The following ALG10 variants were observed in gnomAD, a reference collection of about 807,000 sequenced individuals.
ALG10 encodes the protein ALG10 alpha-1,2-glucosyltransferase.
Under a neutral mutation model 39.2 loss-of-function variants are expected in ALG10, and 25 were observed. That is an observed-to-expected ratio of 0.64 (90% CI 0.46 to 0.89). ALG10 has a LOEUF of 0.89. Ranked by LOEUF, ALG10 falls within the 40% of genes least tolerant of loss-of-function variation. The probability of loss-of-function intolerance (pLI) is 0.00; values close to 1 mark genes in which losing one functional copy is unlikely to be tolerated. For missense variants in ALG10, 486 were observed against 546.6 expected, an observed-to-expected ratio of 0.89 and a Z score of 1.11; for synonymous variants, 184 against 193.9, an observed-to-expected ratio of 0.95 and a Z score of 0.42.
At position 34,027,130 on chromosome 12, in the gene ALG10, G is replaced by A; in HGVS notation, c.*215G>A. The A allele has an allele frequency of 2.2e-6, 1 of 447,722 alleles. No homozygotes were observed. Among genetic ancestry groups the A allele is most frequent in the South Asian group, 5.6e-5 (1 of 17,796 alleles). 27.7% of individuals were successfully genotyped at this position (447,722 alleles called of 1,614,324 possible). A position where few individuals can be genotyped will look rare whatever the true frequency, so the allele number is the denominator to read the frequency against. ...GACCTGCTTCAAAAGCCTGAAAAAT[G>A]GAAAAATAAAATTGTTTTCAGATAT... On this transcript the variant is annotated 3_prime_UTR_variant, in exon 3 of 3. Coordinates refer to ENST00000266483, the MANE Select transcript of ALG10 (RefSeq NM_032834.4).
intron 1 of ALG10, chr12:34,023,037 G>A (rs943976502): frequency 8.1e-6 from 4 of 494,080 alleles, no homozygotes; most frequent in Middle Eastern, 5.5e-4. Flanking sequence ...GGCAGCTGAC[G>A]ATATCGATCC....
rs1357805962 is a variant in ALG10 at position 34,026,869 on chromosome 12, C to A, written c.1376C>A (p.Thr459Asn). The A allele has an allele frequency of 5.6e-6, 9 of 1,613,578 alleles. No homozygotes were observed. Among genetic ancestry groups the A allele is most frequent in the Admixed American group, 5.0e-5 (3 of 59,962 alleles). The change falls in exon 3 of 3, where the codon ACT becomes AAT. Residue 459 changes from threonine (T) to asparagine (N), a missense_variant. By Grantham distance (65) the Thr-to-Asn change is moderately conservative (BLOSUM62 0). Coordinates refer to ENST00000266483, the MANE Select transcript of ALG10 (RefSeq NM_032834.4). ...FITFFIFLNK[T>N]FQWPNSQDIQ... is the part of the protein sequence containing the mutation. ...ACTTTTTTCATCTTTCTGAACAAGA[C>A]TTTTCAGTGGCCAAATAGTCAGGAC...
Position 34,027,657 on chromosome 12 carries a change from A to G in ALG10, c.*742A>G, listed in dbSNP as rs1942849426. On this transcript the variant is annotated 3_prime_UTR_variant, in exon 3 of 3. Coordinates refer to ENST00000266483, the MANE Select transcript of ALG10 (RefSeq NM_032834.4). Reference sequence around the variant, plus strand: ...ATTTCCTTTCTGAAATACATATTGTATTAGCTTCCCAGGGCTTCCATAACA... The same window carrying G: ...ATTTCCTTTCTGAAATACATATTGTGTTAGCTTCCCAGGGCTTCCATAACA... 6.6e-6 allele frequency: 1 copy of G among 152,158 alleles called. No homozygotes were observed. The highest frequency in any genetic ancestry group is 1.5e-5 in the Non-Finnish European group (1 of 68,020). 9.4% of individuals were successfully genotyped at this position (152,158 alleles called of 1,614,324 possible). A position where few individuals can be genotyped will look rare whatever the true frequency, so the allele number is the denominator to read the frequency against.
At position 34,025,923 on chromosome 12, in the gene ALG10, T is replaced by A. The variant is rs1475363802; in HGVS notation, c.430T>A (p.Tyr144Asn). 4 of 1,614,054 alleles carry A rather than the reference T, an allele frequency of 2.5e-6. No homozygotes were observed. The highest frequency in any genetic ancestry group is 2.5e-6 in the Non-Finnish European group (3 of 1,179,924). ...TLTLAVFPTL[Y>N]FFNFLYYTEA... ...AACACTAGCAGTATTTCCAACACTT[T>A]ATTTTTTTAACTTCCTTTATTATAC... Residue 144 changes from tyrosine to asparagine, a missense_variant, in exon 3 of 3, where the codon TAT (tyrosine) becomes AAT (asparagine). Transcript: ENST00000266483.
Position 34,026,562 on chromosome 12 carries a change from T to C in ALG10, c.1069T>C (p.Tyr357His), listed in dbSNP as rs746548873. 1.2e-6 allele frequency: 2 copies of C among 1,613,772 alleles called. No homozygotes were observed. Among genetic ancestry groups the C allele is most frequent in the South Asian group, 2.2e-5 (2 of 91,002 alleles). ...LLADNRHYTF[Y>H]VWKRVFQRYE... Reference sequence around the variant, plus strand: ...AGCAGACAATAGACATTATACTTTCTATGTGTGGAAAAGAGTTTTTCAAAG... The same window carrying C: ...AGCAGACAATAGACATTATACTTTCCATGTGTGGAAAAGAGTTTTTCAAAG... Residue 357 changes from tyrosine (Y) to histidine (H), a missense_variant, in exon 3 of 3, where the codon TAT becomes CAT. By Grantham distance (83) the Tyr-to-His change is moderately conservative. Coordinates refer to ENST00000266483, the MANE Select transcript of ALG10 (RefSeq NM_032834.4).
rs1942842758 is a variant in ALG10, at chr12:34,027,155, T to C, written c.*240T>C. 5.4e-6 allele frequency: 2 copies of C among 370,608 alleles called. No homozygotes were observed. Among genetic ancestry groups the C allele is most frequent in the Admixed American group, 8.7e-5 (2 of 23,056 alleles). The allele number at this position is 370,608 out of a possible 1,614,324, so 23.0% of individuals were successfully genotyped here. A position where few individuals can be genotyped will look rare whatever the true frequency, so the allele number is the denominator to read the frequency against. On this transcript the variant is annotated 3_prime_UTR_variant, in exon 3 of 3. Coordinates refer to ENST00000266483, the MANE Select transcript of ALG10 (RefSeq NM_032834.4). ...GGAAAAATAAAATTGTTTTCAGATA[T>C]CTCATATCACTCTCATAATGTTGGC...
chr12:34,023,555 A>G (rs1253896809), intron 1 of ALG10: 1 of 297,402 alleles, frequency 3.4e-6, no homozygotes, highest in Non-Finnish European at 6.5e-6. Context: ...GGGTTTGGCA[A>G]CAATTTCTGT....
chr12:34,022,592 G>A lies in ALG10; in HGVS notation c.-8G>A, dbSNP rs1942789050. 7 of 1,613,934 alleles carry A rather than the reference G, an allele frequency of 4.3e-6. No homozygotes were observed. Among genetic ancestry groups the A allele is most frequent in the Non-Finnish European group, 5.9e-6 (7 of 1,179,990 alleles). On this transcript the variant is annotated 5_prime_UTR_variant, in exon 1 of 3. Coordinates refer to ENST00000266483, the MANE Select transcript of ALG10 (RefSeq NM_032834.4). The stretch of plus-strand genomic sequence containing the variant: ...GTAGGTTCTTGGGCAGTGGCTGTGG[G>A]AGCTGGAATGGCGCAGCTGGAAGGT...
In ALG10 at chr12:34,027,736, G is replaced by A. The variant is rs1942850129; in HGVS notation, c.*821G>A. 6.6e-6 allele frequency: 1 copy of A among 152,194 alleles called. No homozygotes were observed. Among genetic ancestry groups the A allele is most frequent in the Admixed American group, 6.5e-5 (1 of 15,276 alleles). The allele number at this position is 152,194 out of a possible 1,614,324, so 9.4% of individuals were successfully genotyped here. A position where few individuals can be genotyped will look rare whatever the true frequency, so the allele number is the denominator to read the frequency against. ...AATTTTCCTCACAGTCTGGAGGCCA[G>A]AAGTCTAAAATCAAAGTGTCAGCAG... On this transcript the variant is annotated 3_prime_UTR_variant, in exon 3 of 3. Coordinates refer to ENST00000266483, the MANE Select transcript of ALG10 (RefSeq NM_032834.4).
At chr12:34,023,645 A>G in intron 1 of ALG10, 2 of 380,084 alleles carry the variant, frequency 5.3e-6, no homozygotes, top group African/African-American at 2.1e-5. Flanking sequence ...CAATGTTTCC[A>G]TGCTTTTAAA....
At chr12:34,025,168 CT>C (rs2120692255) in intron 2 of ALG10, among the ~76,000 whole-genome samples, 1 of 152,086 alleles carries the variant, frequency 6.6e-6, no homozygotes, top group African/African-American at 2.4e-5. Flanking sequence ...ATGTAAAGAC[CT>C]TAATTTTAAT....
chr12:34,026,996 A>G lies in ALG10; in HGVS notation c.*81A>G, dbSNP rs1232112623. On this transcript the variant is annotated 3_prime_UTR_variant, in exon 3 of 3. Coordinates refer to ENST00000266483, the MANE Select transcript of ALG10 (RefSeq NM_032834.4). The stretch of plus-strand genomic sequence containing the variant: ...AAGAACAACTGAATAGGTGGAAAAC[A>G]TGGAATTTCTTTTAGGTGCAGTGGT... The G allele has an allele frequency of 1.5e-5, 22 of 1,482,610 alleles. No individual in the cohort carries two copies. The highest frequency in any genetic ancestry group is 2.1e-5 in the Admixed American group (1 of 46,688). The allele number at this position is 1,482,610 out of a possible 1,614,324, so 91.8% of individuals were successfully genotyped here. A position where few individuals can be genotyped will look rare whatever the true frequency, so the allele number is the denominator to read the frequency against.
In ALG10 at chr12:34,022,576, T is replaced by C. The variant is rs1336118450; in HGVS notation, c.-24T>C. The C allele has an allele frequency of 6.2e-7, 1 of 1,614,034 alleles. No individual in the cohort carries two copies. Among genetic ancestry groups the C allele is most frequent in the Admixed American group, 1.7e-5 (1 of 60,012 alleles). Reference sequence around the variant, plus strand: ...TCAGAATTTTCCAGGAGTAGGTTCTTGGGCAGTGGCTGTGGGAGCTGGAAT... The same window carrying C: ...TCAGAATTTTCCAGGAGTAGGTTCTCGGGCAGTGGCTGTGGGAGCTGGAAT... On this transcript the variant is annotated 5_prime_UTR_variant, in exon 1 of 3. Transcript: ENST00000266483.
rs1942835895 is a variant in ALG10 at position 34,026,605 on chromosome 12, A to G, written c.1112A>G (p.Tyr371Cys). The change falls in exon 3 of 3, where the codon TAT becomes TGT. Residue 371 changes from tyrosine to cysteine, a missense_variant. Tyr to Cys is a radical substitution (Grantham distance 194). Coordinates refer to ENST00000266483, the MANE Select transcript of ALG10 (RefSeq NM_032834.4). ...TTTCAAAGATATGAAACTGTAAAAT[A>G]TTTGTTAGTTCCAGCCTATATATTT... is the stretch of plus-strand genomic sequence containing the variant. ...RVFQRYETVKYLLVPAYIFAG... is the reference protein window; with the variant it reads ...RVFQRYETVKCLLVPAYIFAG... The G allele has an allele frequency of 6.2e-7, 1 of 1,613,962 alleles. No individual in the cohort carries two copies. The highest frequency in any genetic ancestry group is 1.1e-5 in the South Asian group (1 of 91,064).
At chr12:34,023,680 A>G (rs1485830242) in intron 1 of ALG10, 1 of 429,524 alleles carries the variant, frequency 2.3e-6, no homozygotes, top group Non-Finnish European at 4.3e-6. Context: ...CAGTTTATTT[A>G]TCAAAATAAA....
rs1370872297 is a variant in ALG10 at position 34,022,598 on chromosome 12, G to T, written c.-2G>T. 1 of 1,613,996 alleles carries T rather than the reference G, an allele frequency of 6.2e-7. No homozygotes were observed. The highest frequency in any genetic ancestry group is 2.2e-5 in the East Asian group (1 of 44,884). On this transcript the variant is annotated 5_prime_UTR_variant, in exon 1 of 3. Transcript: ENST00000266483. ...TCTTGGGCAGTGGCTGTGGGAGCTG[G>T]AATGGCGCAGCTGGAAGGTTACTAT...
rs367613863 is a variant in ALG10, at chr12:34,026,521, C to G, written c.1028C>G (p.Ala343Gly). The change falls in exon 3 of 3, where the codon GCT becomes GGT. Residue 343 changes from alanine (A) to glycine (G), a missense_variant. By Grantham distance (60) the Ala-to-Gly change is moderately conservative. Coordinates refer to ENST00000266483, the MANE Select transcript of ALG10 (RefSeq NM_032834.4). ...TTTTTAGTTTGGAAATTCACTTATG[C>G]TCATAAATACTTGCTAGCAGACAAT... ...SVFLVWKFTY[A>G]HKYLLADNRH... 4.3e-6 allele frequency: 7 copies of G among 1,613,754 alleles called. No homozygotes were observed. In the East Asian group the frequency reaches 1.3e-4, roughly 31 times the overall value.
chr12:34,026,649 G>A lies in ALG10; in HGVS notation c.1156G>A (p.Asp386Asn), dbSNP rs766519598. The change falls in exon 3 of 3, where the codon GAC becomes AAC. Residue 386 changes from aspartate (D) to asparagine (N), a missense_variant. Physicochemically the swap from Asp to Asn is conservative, Grantham distance 23. Transcript: ENST00000266483. ...AYIFAGWSIA[D>N]SLKSKSIFWN... is the part of the protein sequence containing the mutation. ...TATATTTGCTGGTTGGAGTATAGCTGACTCATTGAAATCAAAGTCAATTTT... is the reference window on the plus strand; with the variant it reads ...TATATTTGCTGGTTGGAGTATAGCTAACTCATTGAAATCAAAGTCAATTTT... 1 of 1,613,734 alleles carries A rather than the reference G, an allele frequency of 6.2e-7. No homozygotes were observed.
chr12:34,025,994 T>A lies in ALG10; in HGVS notation c.501T>A (p.Cys167Ter), dbSNP rs774584478. ...MFFTLFAYLM[C>*]LYGNHKTSAF... ...TTACTCTTTTTGCGTATTTGATGTG[T>A]CTTTATGGAAATCATAAAACTTCAG... The change falls in exon 3 of 3, where the codon TGT becomes TGA. Residue 167 changes from cysteine to a stop codon, truncating the protein, a stop_gained. Coordinates refer to ENST00000266483, the MANE Select transcript of ALG10 (RefSeq NM_032834.4). LOFTEE classifies it high-confidence loss of function. 1.9e-6 allele frequency: 3 copies of A among 1,614,064 alleles called. No individual in the cohort carries two copies. The highest frequency in any genetic ancestry group is 1.7e-6 in the Non-Finnish European group (2 of 1,179,958).
Sources: allele counts gnomAD v4.1 joint callset (sites outside exome capture counted in the v4.1 genomes callset), GRCh38; gene constraint gnomAD v4.1.1; transcripts MANE v1.5; gene names NCBI Gene and HGNC (gene_info 2026-07-23, HGNC 2026-07-21).